The following XKR6 variants were observed in gnomAD, a reference collection of about 807,000 sequenced individuals.
XKR6 encodes the protein XK related 6.
A neutral mutation model predicts 56.7 loss-of-function variants in XKR6; 22 were observed. The ratio of observed to expected loss-of-function variants is 0.39; its 90% CI spans 0.28 to 0.55. The LOEUF (loss-of-function observed/expected upper bound fraction) is 0.55, where lower values mean the gene tolerates loss of function less well. Among genes scored for constraint, XKR6 ranks in the 20% least tolerant of loss-of-function variants. The pLI is 0.66. For missense variants in XKR6, 852 were observed against 889.0 expected, an observed-to-expected ratio of 0.96 and a Z score of 0.53; for synonymous variants, 524 against 387.8, an observed-to-expected ratio of 1.35 and a Z score of -4.13.
chr8:10,924,387 C>T (rs980297576), intron 2 of XKR6, among the ~76,000 whole-genome samples: 3 of 152,276 alleles, frequency 2.0e-5, no homozygotes, highest in Non-Finnish European at 4.4e-5. Flanking sequence ...TGGCTCTGCT[C>T]TGCTCACATG....
intron 1 of XKR6, among the ~76,000 whole-genome samples, chr8:10,992,234 C>T (rs1241294443): frequency 6.6e-6 from 1 of 152,136 alleles, no homozygotes; most frequent in Non-Finnish European, 1.5e-5. Context: ...TTCTACAGCC[C>T]CATTAACCAT....
At chr8:11,004,548 T>A (rs757639615) in intron 1 of XKR6, among the ~76,000 whole-genome samples, 1 of 152,166 alleles carries the variant, frequency 6.6e-6, no homozygotes, top group Non-Finnish European at 1.5e-5. Context: ...TGGTTTATTA[T>A]CCTGATGTTT....
At chr8:11,149,224 C>T (rs1801143678) in intron 1 of XKR6, among the ~76,000 whole-genome samples, 1 of 152,188 alleles carries the variant, frequency 6.6e-6, no homozygotes, top group Non-Finnish European at 1.5e-5. Flanking sequence ...GCCTAGATGG[C>T]ATTGCCTACG....
chr8:10,974,163 G>A (rs1802486961), intron 1 of XKR6, among the ~76,000 whole-genome samples: 1 of 152,204 alleles, frequency 6.6e-6, no homozygotes, highest in Non-Finnish European at 1.5e-5. Flanking sequence ...TACCCCAGGA[G>A]GTACTTGGCA....
At chr8:10,980,966 A>G (rs994641874) in intron 1 of XKR6, among the ~76,000 whole-genome samples, 2 of 152,110 alleles carry the variant, frequency 1.3e-5, no homozygotes, top group Non-Finnish European at 2.9e-5. Flanking sequence ...AGAACTCCAT[A>G]AGCTGTTTCA....
intron 1 of XKR6, chr8:11,138,313 G>C (rs1430379933): frequency 6.6e-6 from 1 of 152,522 alleles, no homozygotes; most frequent in African/African-American, 2.4e-5. Flanking sequence ...CTATGAGTTA[G>C]AACCACCTTA....
chr8:10,896,862 A>G lies in XKR6; in HGVS notation c.*1090T>C, dbSNP rs771694280. 1 of 152,558 alleles carries G rather than the reference A, an allele frequency of 6.6e-6. No homozygotes were observed. The highest frequency in any genetic ancestry group is 1.5e-5 in the Non-Finnish European group (1 of 68,036). The allele number at this position is 152,558 out of a possible 1,614,324, so 9.5% of individuals were successfully genotyped here. On this transcript the variant is annotated 3_prime_UTR_variant, in exon 3 of 3. Transcript: ENST00000416569. ...ATGGAAACAGAAGAGGCTTTACACA[A>G]TATCACATGTGATAAATGTCTACCA...
chr8:11,182,519 T>G (rs1803043438), intron 1 of XKR6, among the ~76,000 whole-genome samples: 1 of 152,246 alleles, frequency 6.6e-6, no homozygotes, highest in South Asian at 2.1e-4. Context: ...GCCAGGACAC[T>G]GATAAGAGGC....
At chr8:11,094,204 C>A (rs959458614) in intron 1 of XKR6, among the ~76,000 whole-genome samples, 14 of 151,678 alleles carry the variant, frequency 9.2e-5, no homozygotes, top group Admixed American at 8.5e-4. Context: ...CACAAACTTA[C>A]AAAGGAGCAG....
intron 1 of XKR6, among the ~76,000 whole-genome samples, chr8:11,032,741 T>A (rs1799021725): frequency 6.6e-6 from 1 of 152,134 alleles, no homozygotes; most frequent in African/African-American, 2.4e-5. Context: ...CTCCAGGGCA[T>A]GGTCAAACAC....
chr8:11,113,200 C>T (rs1286840441), intron 1 of XKR6, among the ~76,000 whole-genome samples: 2 of 152,188 alleles, frequency 1.3e-5, no homozygotes, highest in African/African-American at 2.4e-5. Context: ...AATGAAGTGG[C>T]GTAAACAACC....
chr8:11,023,957 G>A (rs550425622), intron 1 of XKR6, among the ~76,000 whole-genome samples: 1 of 152,164 alleles, frequency 6.6e-6, no homozygotes, highest in South Asian at 2.1e-4. Flanking sequence ...TAGGGTGGGG[G>A]AATTGTGGCT....
intron 1 of XKR6, among the ~76,000 whole-genome samples, chr8:11,122,009 G>T (rs1361309585): frequency 3.3e-5 from 5 of 152,146 alleles, no homozygotes; most frequent in African/African-American, 4.8e-5. Context: ...TACAGGAAGG[G>T]GAACATCACA....
chr8:11,015,698 A>AGGAGCGAG (rs1340399843), intron 1 of XKR6, among the ~76,000 whole-genome samples: 1 of 152,148 alleles, frequency 6.6e-6, no homozygotes, highest in African/African-American at 2.4e-5. Context: ...CAGAACCAGA[A>AGGAGCGAG]GGAGCGAGGG....
At chr8:11,190,199 G>GA (rs1292192816) in intron 1 of XKR6, among the ~76,000 whole-genome samples, 6 of 59,674 alleles carry the variant, frequency 1.0e-4, no homozygotes, top group African/African-American at 7.3e-4. Flanking sequence ...AAGAAAGAAA[G>GA]AAAGAAAAGA....
chr8:11,108,032 G>A, intron 1 of XKR6: 1 of 325,614 alleles, frequency 3.1e-6, no homozygotes, highest in Non-Finnish European at 5.9e-6. Context: ...GCGCCTCTCA[G>A]CGAGGCTGTA....
intron 2 of XKR6, among the ~76,000 whole-genome samples, chr8:10,910,205 A>C (rs999429511): frequency 2.0e-5 from 3 of 152,180 alleles, no homozygotes; most frequent in African/African-American, 7.2e-5. Context: ...AGCCCCTCAC[A>C]ACAAAGAATG....
At chr8:10,939,555 C>G (rs546673455) in intron 1 of XKR6, among the ~76,000 whole-genome samples, 1 of 152,380 alleles carries the variant, frequency 6.6e-6, no homozygotes, top group South Asian at 2.1e-4. Context: ...TTAGCAATCT[C>G]TAGCTCTCAC....
chr8:11,085,458 A>ATGTATGTGCATGTGTG (rs1797854866), intron 1 of XKR6, among the ~76,000 whole-genome samples: 1 of 150,726 alleles, frequency 6.6e-6, no homozygotes, highest in Non-Finnish European at 1.5e-5. Context: ...GTGTGTGTGT[A>ATGTATGTGCATGTGTG]TGTATGTGCA....
Sources: gnomAD v4.1 joint callset for allele counts (sites outside exome capture counted in the v4.1 genomes callset) on GRCh38, gnomAD v4.1.1 for gene constraint, MANE v1.5 for transcripts, NCBI Gene and HGNC (gene_info 2026-07-23, HGNC 2026-07-21) for gene names.